CFHR4: variants seen among roughly 807,000 people sequenced by gnomAD.
The protein encoded by CFHR4 is complement factor H-related protein 4.
In CFHR4, 64 loss-of-function variants were observed where a neutral mutation model predicts 69.3. The observed-to-expected ratio is 0.92, with a 90% CI of 0.76 to 1.14. CFHR4 has a LOEUF of 1.14. CFHR4 is among the 50% of genes most tolerant of loss of function. The pLI is 0.00. For missense variants in CFHR4, 636 were observed against 684.9 expected (o/e 0.93, Z 0.80); for synonymous variants, 244 against 237.0 (o/e 1.03, Z -0.27).
chr1:196,896,033 C>G lies in CFHR4; in HGVS notation c.59-6385C>G, dbSNP rs113158301. 6.9e-3 allele frequency among the ~76,000 whole-genome samples: 1,039 copies of G among 150,496 alleles called. 36 individuals are homozygous for G. The highest frequency in any genetic ancestry group is 0.024 in the African/African-American group (979 of 40,628). On this transcript the variant is annotated intron_variant, in intron 1 of 9. Transcript: ENST00000608469. ...GTGTTTTCCAAGCCTGCACTTTTTGCTAAGTGTTCATAGTCATTTTCTAAT... is the reference window on the plus strand; with the variant it reads ...GTGTTTTCCAAGCCTGCACTTTTTGGTAAGTGTTCATAGTCATTTTCTAAT...
chr1:196,894,263 C>A (rs143043963), intron 1 of CFHR4, among the ~76,000 whole-genome samples: 8 of 151,502 alleles, frequency 5.3e-5, no homozygotes, highest in Non-Finnish European at 1.2e-4. Flanking sequence ...ACAATAAAAG[C>A]TTTTAGGTTA....
chr1:196,914,422 C>A, intron 7 of CFHR4, 73 bp from the exon 8 acceptor site: 1 of 1,483,372 alleles, frequency 6.7e-7, no homozygotes, highest in Non-Finnish European at 9.1e-7. Flanking sequence ...TTTATCCCTA[C>A]AATGGGACTT....
intron 5 of CFHR4, among the ~76,000 whole-genome samples, chr1:196,908,199 C>T (rs1291500921): frequency 6.6e-6 from 1 of 151,296 alleles, no homozygotes; most frequent in Non-Finnish European, 1.5e-5. Context: ...AAGAGAAACA[C>T]CTAATGTAGG....
At chr1:196,916,926 A>T (rs1194160390) in intron 9 of CFHR4, among the ~76,000 whole-genome samples, 1 of 151,666 alleles carries the variant, frequency 6.6e-6, no homozygotes, top group Admixed American at 6.6e-5. Flanking sequence ...AAGATTACAT[A>T]TACATATGGC....
intron 1 of CFHR4, among the ~76,000 whole-genome samples, chr1:196,898,390 A>C (rs1657421631): frequency 6.6e-6 from 1 of 151,578 alleles, no homozygotes; most frequent in Admixed American, 6.6e-5. Flanking sequence ...GGAGACAATA[A>C]ATTTCAATAT....
At chr1:196,911,744 T>G (rs1571444899) in intron 6 of CFHR4, among the ~76,000 whole-genome samples, 2 of 151,654 alleles carry the variant, frequency 1.3e-5, no homozygotes, top group South Asian at 4.1e-4. Flanking sequence ...AGTCCCTTTT[T>G]CTCCTGCCAT....
intron 1 of CFHR4, among the ~76,000 whole-genome samples, chr1:196,900,335 T>TTG (rs1657536168): frequency 1.3e-5 from 2 of 148,370 alleles, no homozygotes; most frequent in South Asian, 2.1e-4. Context: ...TTTTTTTTTT[T>TTG]GCTTTAGAGA....
intron 1 of CFHR4, among the ~76,000 whole-genome samples, chr1:196,901,901 T>C (rs1657632976): frequency 6.6e-6 from 1 of 151,514 alleles, no homozygotes; most frequent in Non-Finnish European, 1.5e-5. Flanking sequence ...AGAAATCTTG[T>C]CTTAATAACT....
chr1:196,917,216 A>G (rs1193935007), intron 9 of CFHR4, among the ~76,000 whole-genome samples: 1 of 151,854 alleles, frequency 6.6e-6, no homozygotes, highest in East Asian at 1.9e-4. Context: ...ACTAGAATGC[A>G]GAATACTTGA....
In CFHR4 at chr1:196,917,658, G is replaced by GTGTATGTA. The variant is rs112489050; in HGVS notation, c.1541-530_1541-523dup. 1.5e-3 allele frequency among the ~76,000 whole-genome samples: 219 copies of GTGTATGTA among 150,618 alleles called. 6 individuals carry two copies. Among genetic ancestry groups the GTGTATGTA allele is most frequent in the African/African-American group, 4.7e-3 (193 of 40,704 alleles). ...AGAGAGATAATTGACAGATATTGAG[G>GTGTATGTA]TGTATGTATGTATGTATGTATGTAT... is the stretch of plus-strand genomic sequence containing the variant. On this transcript the variant is annotated intron_variant, in intron 9 of 9. Coordinates refer to ENST00000608469, the MANE Select transcript of CFHR4 (RefSeq NM_001201550.3).
rs556777105 is a variant in CFHR4 at position 196,907,305 on chromosome 1, T to C, written c.617-11T>C. ...GTTGATTTTTCCCCAATGTAAAGTA[T>C]TTTTTTTCAGATTCTTCAGAAAACT... On this transcript the variant is annotated splice_polypyrimidine_tract_variant and intron_variant, in intron 4 of 9. Transcript: ENST00000608469. The C allele has an allele frequency of 6.3e-7, 1 of 1,595,216 alleles. No homozygotes were observed. The highest frequency in any genetic ancestry group is 8.6e-7 in the Non-Finnish European group (1 of 1,164,448).
In CFHR4 at chr1:196,906,966, G is replaced by GCAGTTAT; in HGVS notation, c.546_552dup (p.Gly185GlnfsTer13). 6.2e-7 allele frequency: 1 copy of GCAGTTAT among 1,612,682 alleles called. No individual in the cohort carries two copies. Among genetic ancestry groups the GCAGTTAT allele is most frequent in the Non-Finnish European group, 8.5e-7 (1 of 1,179,554 alleles). The stretch of plus-strand genomic sequence containing the variant: ...TATGAATGCTATGATGGATATGAAA[G>GCAGTTAT]CAGTTATGGAAACACCACAGATTCC... On this transcript the variant is annotated frameshift_variant, in exon 4 of 10. Coordinates refer to ENST00000608469, the MANE Select transcript of CFHR4 (RefSeq NM_001201550.3). LOFTEE classifies it high-confidence loss of function.
chr1:196,897,260 G>A (rs961436915), intron 1 of CFHR4, among the ~76,000 whole-genome samples: 7 of 151,716 alleles, frequency 4.6e-5, no homozygotes, highest in African/African-American at 1.5e-4. Flanking sequence ...AGACGGGCAG[G>A]TGCAGAGGCC....
At chr1:196,915,507 T>C (rs989555653) in intron 9 of CFHR4, among the ~76,000 whole-genome samples, 10 of 151,286 alleles carry the variant, frequency 6.6e-5, no homozygotes, top group Non-Finnish European at 1.3e-4. Flanking sequence ...TGCTGGCATA[T>C]GCCTGTAATC....
intron 3 of CFHR4, 90 bp from the exon 4 acceptor site, chr1:196,906,771 G>T (rs1205121501): frequency 1.5e-6 from 2 of 1,348,174 alleles, no homozygotes; most frequent in African/African-American, 3.0e-5. Flanking sequence ...CACACTGATT[G>T]GTAAATTTTA....
chr1:196,895,660 C>T (rs1657256613), intron 1 of CFHR4, among the ~76,000 whole-genome samples: 5 of 151,166 alleles, frequency 3.3e-5, no homozygotes, highest in Admixed American at 3.3e-4. Flanking sequence ...TTTGATCATA[C>T]ATCATTTTCT....
chr1:196,891,600 A>T (rs1304454440), intron 1 of CFHR4, among the ~76,000 whole-genome samples: 1 of 151,548 alleles, frequency 6.6e-6, no homozygotes, highest in Non-Finnish European at 1.5e-5. Flanking sequence ...TCTCTGATTT[A>T]TGATGATTCA....
Position 196,910,390 on chromosome 1 carries a change from T to C in CFHR4, c.909T>C (p.Cys303=). 2 of 1,612,658 alleles carry C rather than the reference T, an allele frequency of 1.2e-6. No homozygotes were observed. The highest frequency in any genetic ancestry group is 8.5e-7 in the Non-Finnish European group (1 of 1,179,452). Residue 303 remains cysteine, a synonymous_variant, in exon 6 of 10, where the codon TGT becomes TGC. Transcript: ENST00000608469. ...VATGQSYSYY[C]DQNFVTPSGS... is the part of the protein sequence containing the mutation. Reference sequence around the variant, plus strand: ...CAGGACAATCTTACTCCTATTACTGTGACCAAAATTTTGTGACTCCTTCAG... The same window carrying C: ...CAGGACAATCTTACTCCTATTACTGCGACCAAAATTTTGTGACTCCTTCAG...
rs80092366 is a variant in CFHR4 at position 196,914,339 on chromosome 1, T to A, written c.1181-156T>A. ...ATTTAACTATTGTAATTAACTATTA[T>A]AGCACAAAAAGCACTGATTGTCAGA... On this transcript the variant is annotated intron_variant, in intron 7 of 9. Coordinates refer to ENST00000608469, the MANE Select transcript of CFHR4 (RefSeq NM_001201550.3). Among the ~76,000 whole-genome samples the A allele has an allele frequency of 0.078, 11,767 of 151,652 alleles. 744 individuals carry two copies. Among genetic ancestry groups the A allele is most frequent in the Middle Eastern group, 0.16 (47 of 294 alleles).
Sources: gnomAD v4.1 joint callset for allele counts (sites outside exome capture counted in the v4.1 genomes callset) on GRCh38, gnomAD v4.1.1 for gene constraint, MANE v1.5 for transcripts, NCBI Gene and HGNC (gene_info 2026-07-23, HGNC 2026-07-21) for gene names.